The following PTPRD variants were observed in gnomAD, a reference collection of about 807,000 sequenced individuals.
PTPRD encodes protein tyrosine phosphatase receptor type D, also known as receptor-type tyrosine-protein phosphatase delta.
A neutral mutation model predicts 214.5 loss-of-function variants in PTPRD; 34 were observed. The observed-to-expected ratio is 0.16, with a 90% CI of 0.12 to 0.21. The LOEUF is 0.21. Among genes scored for constraint, PTPRD ranks in the 10% least tolerant of loss-of-function variants. The pLI is 1.00. For synonymous variants in PTPRD, 1,128 were observed against 845.7 expected (o/e 1.33, Z -5.79); for missense variants, 2,545 against 2,398.7 (o/e 1.06, Z -1.27).
At chr9:8,874,432 C>T (rs554527470) in intron 11 of PTPRD, among the ~76,000 whole-genome samples, 11 of 152,266 alleles carry the variant, frequency 7.2e-5, no homozygotes, top group African/African-American at 2.4e-4. Context: ...GGCCTAGTTG[C>T]AGAGTCTAAT....
At chr9:9,121,982 T>C (rs1225168652) in intron 10 of PTPRD, among the ~76,000 whole-genome samples, 3 of 152,212 alleles carry the variant, frequency 2.0e-5, no homozygotes, top group African/African-American at 7.2e-5. Context: ...AGATATTTGC[T>C]ATCACTATTT....
At chr9:8,905,162 T>C (rs995580014) in intron 11 of PTPRD, among the ~76,000 whole-genome samples, 8 of 152,170 alleles carry the variant, frequency 5.3e-5, no homozygotes, top group Non-Finnish European at 1.0e-4. Flanking sequence ...AAAGGATTTA[T>C]GTAACATGCA....
chr9:8,606,933 G>C (rs915885527), intron 14 of PTPRD, among the ~76,000 whole-genome samples: 5 of 152,158 alleles, frequency 3.3e-5, no homozygotes, highest in African/African-American at 1.2e-4. Flanking sequence ...ATAGTCTTAG[G>C]TAAAGAAAAC....
intron 3 of PTPRD, among the ~76,000 whole-genome samples, chr9:10,159,194 A>C (rs911655872): frequency 1.3e-5 from 2 of 152,200 alleles, no homozygotes; most frequent in Non-Finnish European, 2.9e-5. Context: ...AAAGGAAAAA[A>C]AGAAATAATA....
chr9:10,402,793 A>G (rs1336057150), intron 2 of PTPRD, among the ~76,000 whole-genome samples: 2 of 151,692 alleles, frequency 1.3e-5, no homozygotes, highest in African/African-American at 4.8e-5. Context: ...TAAGGTCTCC[A>G]GTCATCTAAT....
At chr9:9,481,310 CTG>C (rs1351046656) in intron 8 of PTPRD, among the ~76,000 whole-genome samples, 5 of 152,290 alleles carry the variant, frequency 3.3e-5, no homozygotes, top group African/African-American at 1.2e-4. Flanking sequence ...ACAATCATCA[CTG>C]TGTTTTCAAT....
chr9:10,011,574 G>T (rs2096600838), intron 4 of PTPRD, among the ~76,000 whole-genome samples: 1 of 151,856 alleles, frequency 6.6e-6, no homozygotes, highest in African/African-American at 2.4e-5. Flanking sequence ...TGCCTTCCCT[G>T]CTGATAAATA....
At chr9:8,324,362 G>C (rs187016803) in intron 44 of PTPRD, among the ~76,000 whole-genome samples, 1 of 152,044 alleles carries the variant, frequency 6.6e-6, no homozygotes, top group Non-Finnish European at 1.5e-5. Context: ...TTGATTTTCT[G>C]TTCCTGTGTT....
At chr9:8,469,320 C>G (rs2096607631) in intron 31 of PTPRD, among the ~76,000 whole-genome samples, 1 of 152,036 alleles carries the variant, frequency 6.6e-6, no homozygotes, top group Non-Finnish European at 1.5e-5. Context: ...GGCTTTACTT[C>G]TAAGGAAAGC....
chr9:9,760,764 A>G (rs1057008474), intron 6 of PTPRD, among the ~76,000 whole-genome samples: 4 of 152,200 alleles, frequency 2.6e-5, no homozygotes, highest in African/African-American at 7.2e-5. Context: ...TGAAGAAGAT[A>G]GACAGATGGT....
At chr9:8,406,574 C>G (rs2093001778) in intron 35 of PTPRD, among the ~76,000 whole-genome samples, 1 of 151,628 alleles carries the variant, frequency 6.6e-6, no homozygotes, top group African/African-American at 2.4e-5. Context: ...CTTTCGTCAT[C>G]TTTGCATCTA....
At chr9:9,335,293 C>T (rs561053489) in intron 9 of PTPRD, among the ~76,000 whole-genome samples, 4 of 152,100 alleles carry the variant, frequency 2.6e-5, no homozygotes, top group African/African-American at 7.2e-5. Flanking sequence ...ATCATTCTTC[C>T]ATAATTAGAC....
At chr9:10,086,654 A>G (rs1161113583) in intron 3 of PTPRD, among the ~76,000 whole-genome samples, 1 of 151,754 alleles carries the variant, frequency 6.6e-6, no homozygotes, top group Non-Finnish European at 1.5e-5. Context: ...TCCTATGTCT[A>G]ATTATATAGG....
At chr9:9,484,780 T>C (rs949516901) in intron 8 of PTPRD, among the ~76,000 whole-genome samples, 3 of 152,160 alleles carry the variant, frequency 2.0e-5, no homozygotes, top group Non-Finnish European at 1.5e-5. Context: ...TGTCTGGTTC[T>C]GGAGCCTACA....
intron 9 of PTPRD, among the ~76,000 whole-genome samples, chr9:9,253,780 T>C (rs1413231075): frequency 1.3e-5 from 2 of 152,144 alleles, no homozygotes; most frequent in East Asian, 3.9e-4. Context: ...TTCTGAGAAC[T>C]GCTGTAACAA....
chr9:8,316,746 CA>C lies in PTPRD; in HGVS notation c.*1127del, dbSNP rs1456839053. 1.3e-5 allele frequency: 3 copies of C among 231,186 alleles called. No individual in the cohort carries two copies. The highest frequency in any genetic ancestry group is 6.7e-5 in the African/African-American group (3 of 45,028). 14.3% of individuals were successfully genotyped at this position (231,186 alleles called of 1,614,324 possible). A position where few individuals can be genotyped will look rare whatever the true frequency, so the allele number is the denominator to read the frequency against. On this transcript the variant is annotated 3_prime_UTR_variant, in exon 46 of 46. Transcript: ENST00000381196. The stretch of plus-strand genomic sequence containing the variant: ...GGTGGGGGTAGATTAGGTAGGAAAT[CA>C]GGGGGTGAGGTTTGACAATCAATCA...
At chr9:9,365,033 G>A (rs995297838) in intron 9 of PTPRD, among the ~76,000 whole-genome samples, 1 of 151,426 alleles carries the variant, frequency 6.6e-6, no homozygotes, top group African/African-American at 2.4e-5. Context: ...TGAGAGTCAA[G>A]GATGACTCCC....
chr9:9,752,111 G>A (rs1270043509), intron 6 of PTPRD, among the ~76,000 whole-genome samples: 1 of 152,104 alleles, frequency 6.6e-6, no homozygotes, highest in Non-Finnish European at 1.5e-5. Context: ...TTACCAGTCA[G>A]TGTGTGCTAA....
At chr9:10,540,095 G>A (rs541829076) in intron 2 of PTPRD, among the ~76,000 whole-genome samples, 2 of 152,158 alleles carry the variant, frequency 1.3e-5, no homozygotes, top group East Asian at 3.9e-4. Flanking sequence ...CAGTGGCATG[G>A]TCTTGGCTCA....
Sources: gnomAD v4.1 joint callset for allele counts (sites outside exome capture counted in the v4.1 genomes callset) on GRCh38, gnomAD v4.1.1 for gene constraint, MANE v1.5 for transcripts, NCBI Gene and HGNC (gene_info 2026-07-23, HGNC 2026-07-21) for gene names.